Variants in FOXN2 observed in about 807,000 individuals in gnomAD.
FOXN2 encodes the protein forkhead box N2, also known as forkhead box protein N2.
Under a neutral mutation model 41.2 loss-of-function variants are expected in FOXN2, and 19 were observed. The ratio of observed to expected loss-of-function variants is 0.46; its 90% CI spans 0.32 to 0.68. The LOEUF (loss-of-function observed/expected upper bound fraction) is 0.68, where lower values mean the gene tolerates loss of function less well. FOXN2 is among the 30% of genes least tolerant of loss of function. The pLI is 0.03. For synonymous variants in FOXN2, 195 were observed against 176.8 expected (o/e 1.10, Z -0.82); for missense variants, 587 against 509.4 (o/e 1.15, Z -1.47).
At position 48,377,219 on chromosome 2, in the gene FOXN2, G is replaced by T. The variant is rs1162014974; in HGVS notation, c.*1776G>T. 1 of 146,290 alleles carries T rather than the reference G, an allele frequency of 6.8e-6. No homozygotes were observed. The highest frequency in any genetic ancestry group is 1.5e-5 in the Non-Finnish European group (1 of 65,928). 9.1% of individuals were successfully genotyped at this position (146,290 alleles called of 1,614,324 possible). On this transcript the variant is annotated 3_prime_UTR_variant, in exon 7 of 7. Transcript: ENST00000340553. ...TAAGCATGCAGGATGAGGTATTTGGGTTTTTTTTTTAGATCGATCACATCT... is the reference window on the plus strand; with the variant it reads ...TAAGCATGCAGGATGAGGTATTTGGTTTTTTTTTTTAGATCGATCACATCT...
chr2:48,377,643 AAATGTTTAAGTT>A lies in FOXN2; in HGVS notation c.*2202_*2213del, dbSNP rs1673334114. ...TTTTATTCACTCTTCCCACGAATTT[AAATGTTTAAGTT>A]ATATTCATCACTAGCAAGGATGATA... On this transcript the variant is annotated 3_prime_UTR_variant, in exon 7 of 7. Transcript: ENST00000340553. 1 of 152,070 alleles carries A rather than the reference AAATGTTTAAGTT, an allele frequency of 6.6e-6. No homozygotes were observed. 9.4% of individuals were successfully genotyped at this position (152,070 alleles called of 1,614,324 possible).
chr2:48,372,234 C>T (rs941183686), intron 5 of FOXN2, among the ~76,000 whole-genome samples: 4 of 152,182 alleles, frequency 2.6e-5, no homozygotes, highest in Non-Finnish European at 5.9e-5. Context: ...TGGCCAGCAT[C>T]TGATTTACTT....
intron 5 of FOXN2, among the ~76,000 whole-genome samples, chr2:48,364,283 A>G (rs1672385425): frequency 6.6e-6 from 1 of 152,170 alleles, no homozygotes; most frequent in Non-Finnish European, 1.5e-5. Context: ...GCCAGAGGGC[A>G]ATGGCACAGT....
chr2:48,365,878 G>T (rs1289838438), intron 5 of FOXN2, among the ~76,000 whole-genome samples: 1 of 152,082 alleles, frequency 6.6e-6, no homozygotes, highest in Non-Finnish European at 1.5e-5. Flanking sequence ...GGTTGTTTTG[G>T]GGTATATTTC....
Position 48,336,461 on chromosome 2 carries a change from A to G in FOXN2, c.-15+7759A>G, listed in dbSNP as rs551017408. On this transcript the variant is annotated intron_variant, in intron 2 of 6. Transcript: ENST00000340553. ...TGTGTGTGTGTGTGTGTGTGTGTAT[A>G]TATATTTATTTATTTACGAGCAGAC... 9.0e-3 allele frequency among the ~76,000 whole-genome samples: 1,346 copies of G among 150,266 alleles called. 9 individuals are homozygous for G. The highest frequency in any genetic ancestry group is 0.016 in the African/African-American group (636 of 40,850).
At position 48,324,520 on chromosome 2, in the gene FOXN2, C is replaced by T. The variant is rs1355549648; in HGVS notation, c.-156-4041C>T. Among the ~76,000 whole-genome samples the T allele has an allele frequency of 5.9e-5, 9 of 151,560 alleles. No individual in the cohort carries two copies. In the South Asian group the frequency reaches 1.7e-3, roughly 28 times the overall value. ...TCATCCTTCAAATTTTTTTTTGTTT[C>T]ATGTAGTTTGATTAAAATGACTTCT... On this transcript the variant is annotated intron_variant, in intron 1 of 6. Transcript: ENST00000340553.
intron 4 of FOXN2, among the ~76,000 whole-genome samples, chr2:48,360,096 T>G (rs954248700): frequency 1.3e-5 from 2 of 152,156 alleles, no homozygotes; most frequent in African/African-American, 2.4e-5. Flanking sequence ...TTCCTTGTCT[T>G]TGTTTTCAAT....
At chr2:48,324,869 C>T (rs1452730096) in intron 1 of FOXN2, among the ~76,000 whole-genome samples, 1 of 152,116 alleles carries the variant, frequency 6.6e-6, no homozygotes, top group Non-Finnish European at 1.5e-5. Context: ...GATTGAAAGA[C>T]TCTAACAGAA....
At chr2:48,342,988 A>T (rs1308903235) in intron 2 of FOXN2, among the ~76,000 whole-genome samples, 1 of 152,242 alleles carries the variant, frequency 6.6e-6, no homozygotes, top group East Asian at 1.9e-4. Context: ...ACTTGCAACC[A>T]TTTAAATTAC....
intron 2 of FOXN2, among the ~76,000 whole-genome samples, chr2:48,345,391 C>G (rs534161029): frequency 2.0e-5 from 3 of 151,948 alleles, no homozygotes; most frequent in East Asian, 3.9e-4. Context: ...GTACAAAGTT[C>G]TGGTTACACA....
chr2:48,331,169 A>C (rs1669997251), intron 2 of FOXN2, among the ~76,000 whole-genome samples: 1 of 152,182 alleles, frequency 6.6e-6, no homozygotes. Flanking sequence ...AATTTGCCTA[A>C]GTTTGCTTTG....
chr2:48,375,939 A>T lies in FOXN2; in HGVS notation c.*496A>T, dbSNP rs1443812665. On this transcript the variant is annotated 3_prime_UTR_variant, in exon 7 of 7. Transcript: ENST00000340553. ...TTTTACTTTGTCTTAATTTGTTTCT[A>T]ATTTTTTTTTTGTTGTCGTGTGAGC... The T allele has an allele frequency of 1.3e-5, 2 of 152,494 alleles. No individual in the cohort carries two copies. The allele number at this position is 152,494 out of a possible 1,614,324, so 9.4% of individuals were successfully genotyped here. A position where few individuals can be genotyped will look rare whatever the true frequency, so the allele number is the denominator to read the frequency against.
chr2:48,366,352 C>A (rs1283589457), intron 5 of FOXN2, among the ~76,000 whole-genome samples: 3 of 122,844 alleles, frequency 2.4e-5, no homozygotes, highest in South Asian at 5.0e-4. Context: ...GAGTGAGACT[C>A]CAAAAAAAAA....
At chr2:48,370,580 G>A (rs951741112) in intron 5 of FOXN2, among the ~76,000 whole-genome samples, 5 of 151,824 alleles carry the variant, frequency 3.3e-5, no homozygotes, top group African/African-American at 1.2e-4. Context: ...TAAATTTCTT[G>A]ACCATTTGTA....
chr2:48,314,190 A>C (rs1668725182), upstream of FOXN2, among the ~76,000 whole-genome samples: 2 of 152,354 alleles, frequency 1.3e-5, no homozygotes, highest in African/African-American at 2.4e-5. Context: ...GGTGTCGAGG[A>C]AGGTCTCCTC....
At chr2:48,318,241 T>C (rs1669064881) in intron 1 of FOXN2, among the ~76,000 whole-genome samples, 1 of 152,226 alleles carries the variant, frequency 6.6e-6, no homozygotes. Flanking sequence ...TTTATTCCTA[T>C]TTCGCTAATT....
intron 1 of FOXN2, among the ~76,000 whole-genome samples, chr2:48,321,766 AT>A (rs1324687329): frequency 6.6e-6 from 1 of 152,102 alleles, no homozygotes; most frequent in Non-Finnish European, 1.5e-5. Flanking sequence ...TACATTATAC[AT>A]GGTAAGGGTA....
At chr2:48,314,628 G>T (rs1159230601), upstream of FOXN2, 1 of 152,418 alleles carries the variant, frequency 6.6e-6, no homozygotes, top group Non-Finnish European at 1.5e-5. Context: ...GCGGGGAAGG[G>T]GAGGGAGGGG....
At chr2:48,369,397 C>A (rs1310314094) in intron 5 of FOXN2, among the ~76,000 whole-genome samples, 1 of 152,008 alleles carries the variant, frequency 6.6e-6, no homozygotes, top group Admixed American at 6.6e-5. Context: ...AATTAGCTGA[C>A]TGTGGTTGCG....
Sources: allele counts gnomAD v4.1 joint callset (sites outside exome capture counted in the v4.1 genomes callset), GRCh38; gene constraint gnomAD v4.1.1; transcripts MANE v1.5; gene names NCBI Gene and HGNC (gene_info 2026-07-23, HGNC 2026-07-21).